SMARCA5: variants seen among roughly 807,000 people sequenced by gnomAD.
SMARCA5 encodes SNF2 related chromatin remodeling ATPase 5, also known as SWI/SNF-related matrix-associated actin-dependent regulator of chromatin subfamily A member 5.
Under a neutral mutation model 140.4 loss-of-function variants are expected in SMARCA5, and 18 were observed. The ratio of observed to expected loss-of-function variants is 0.13; its 90% CI spans 0.09 to 0.19. The LOEUF is 0.19. Among genes scored for constraint, SMARCA5 ranks in the 10% least tolerant of loss-of-function variants. The pLI, the probability that SMARCA5 is intolerant of heterozygous loss-of-function variation, is 1.00. For synonymous variants in SMARCA5, 449 were observed against 419.6 expected, an observed-to-expected ratio of 1.07 and a Z score of -0.86; for missense variants, 606 against 1,276.8, an observed-to-expected ratio of 0.47 and a Z score of 8.01.
chr4:143,526,497 A>G, intron 6 of SMARCA5, 37 bp downstream of exon 6: 4 of 1,430,422 alleles, frequency 2.8e-6, no homozygotes, highest in Non-Finnish European at 3.9e-6. Context: ...TTTGAGGCTA[A>G]AATAATTTGA....
Position 143,517,437 on chromosome 4 carries a change from C to T in SMARCA5, c.252+8C>T, listed in dbSNP as rs368603372. 1 of 1,586,548 alleles carries T rather than the reference C, an allele frequency of 6.3e-7. No homozygotes were observed. Among genetic ancestry groups the T allele is most frequent in the Non-Finnish European group, 8.6e-7 (1 of 1,163,636 alleles). ...ACCTATGAAGAAAAAATGGTATGTT[C>T]TAGGCTTGTGAATAGAGTCTATAAG... On this transcript the variant is annotated splice_region_variant and intron_variant, in intron 2 of 23. Coordinates refer to ENST00000283131, the MANE Select transcript of SMARCA5 (RefSeq NM_003601.4).
chr4:143,542,496 T>TA (rs1737448070), intron 14 of SMARCA5, among the ~76,000 whole-genome samples: 1 of 152,176 alleles, frequency 6.6e-6, no homozygotes, highest in Non-Finnish European at 1.5e-5. Flanking sequence ...CAAGGAAACA[T>TA]ACCTTGTGGA....
intron 2 of SMARCA5, among the ~76,000 whole-genome samples, chr4:143,520,876 A>G (rs1443925285): frequency 1.3e-5 from 2 of 152,140 alleles, no homozygotes; most frequent in African/African-American, 2.4e-5. Flanking sequence ...GGCAGATACG[A>G]AAGGAAGGAA....
Position 143,547,500 on chromosome 4 carries a change from A to G in SMARCA5, c.2769A>G (p.Thr923=), listed in dbSNP as rs1027404087. 1.3e-6 allele frequency: 2 copies of G among 1,534,880 alleles called. No homozygotes were observed. Among genetic ancestry groups the G allele is most frequent in the Admixed American group, 1.7e-5 (1 of 59,614 alleles). ...TAAGCATCAAGAAAGCACTTGACAC[A>G]AAGGTAATTTGCTTGTTAATAAGTT... ...RRISIKKALD[T]KIGRYKAPFH... The change falls in exon 21 of 24, where the codon ACA becomes ACG. Residue 923 remains threonine, a synonymous_variant. Coordinates refer to ENST00000283131, the MANE Select transcript of SMARCA5 (RefSeq NM_003601.4).
At chr4:143,547,870 T>A in intron 21 of SMARCA5, 58 bp from the exon 22 acceptor site, 1 of 1,062,304 alleles carries the variant, frequency 9.4e-7, no homozygotes, top group African/African-American at 1.6e-5. Context: ...AAGCTGAGTT[T>A]GAAATACAGA....
intron 1 of SMARCA5, chr4:143,514,691 G>T (rs1736788457): frequency 6.6e-6 from 1 of 152,528 alleles, no homozygotes; most frequent in Admixed American, 6.5e-5. Flanking sequence ...TGTGAAGGGA[G>T]AGAAGGCCCC....
chr4:143,524,866 A>G (rs370055831), intron 4 of SMARCA5, among the ~76,000 whole-genome samples: 23 of 152,148 alleles, frequency 1.5e-4, no homozygotes, highest in Non-Finnish European at 2.5e-4. Context: ...TTTATCCTCA[A>G]GTGTTTTTCA....
rs1327464815 is a variant in SMARCA5, at chr4:143,536,092, C to CA, written c.1269-353dup. 2.0e-5 allele frequency among the ~76,000 whole-genome samples: 3 copies of CA among 152,070 alleles called. No individual in the cohort carries two copies. The East Asian group carries it at 5.8e-4, about 29-fold the overall frequency. Reference sequence around the variant, plus strand: ...AATCGAATAGTGGCACTTTCTGTTGCAAAAAAACTGCAAACTAAAATTATG... The same window carrying CA: ...AATCGAATAGTGGCACTTTCTGTTGCAAAAAAAACTGCAAACTAAAATTATG... On this transcript the variant is annotated intron_variant, in intron 10 of 23. Transcript: ENST00000283131.
At position 143,539,467 on chromosome 4, in the gene SMARCA5, C is replaced by A. The variant is rs746551884; in HGVS notation, c.1770+529C>A. 4.0e-5 allele frequency among the ~76,000 whole-genome samples: 6 copies of A among 151,852 alleles called. No homozygotes were observed. In the East Asian group the frequency reaches 1.2e-3, roughly 29 times the overall value. ...TATTTTTAGATTGAGAGAATTGATA[C>A]TGCAGATTGGCCTGACCCATGATAT... On this transcript the variant is annotated intron_variant, in intron 13 of 23. Coordinates refer to ENST00000283131, the MANE Select transcript of SMARCA5 (RefSeq NM_003601.4).
chr4:143,519,196 A>C (rs2149816343), intron 2 of SMARCA5, among the ~76,000 whole-genome samples: 1 of 152,242 alleles, frequency 6.6e-6, no homozygotes, highest in South Asian at 2.1e-4. Context: ...TTACTTGAGA[A>C]TATCCAAAAC....
intron 2 of SMARCA5, among the ~76,000 whole-genome samples, chr4:143,520,688 TCTTG>T (rs1736939313): frequency 6.6e-6 from 1 of 152,202 alleles, no homozygotes; most frequent in African/African-American, 2.4e-5. Context: ...GCTTTTCTTG[TCTTG>T]CTTCTCCTTT....
intron 5 of SMARCA5, among the ~76,000 whole-genome samples, 158 bp from the exon 6 acceptor site, chr4:143,526,121 CAT>C (rs1300528519): frequency 1.2e-4 from 18 of 152,134 alleles, no homozygotes; most frequent in African/African-American, 3.9e-4. Flanking sequence ...AATTATATGA[CAT>C]AACACTTACA....
intron 23 of SMARCA5, among the ~76,000 whole-genome samples, chr4:143,550,658 G>C (rs531946938): frequency 6.6e-6 from 1 of 151,638 alleles, no homozygotes; most frequent in African/African-American, 2.4e-5. Flanking sequence ...GTAGTTTTTA[G>C]CTCCCACAAA....
chr4:143,545,941 A>T lies in SMARCA5; in HGVS notation c.2414A>T (p.Glu805Val). 1 of 1,602,868 alleles carries T rather than the reference A, an allele frequency of 6.2e-7. No individual in the cohort carries two copies. ...TIGYKVPRNP[E>V]LPNAAQAQKE... ...ATCTTTTAGGTACCTCGAAATCCTG[A>T]GCTGCCTAATGCAGCACAGGCACAA... Residue 805 changes from glutamate (E) to valine (V), a missense_variant, in exon 19 of 24, where the codon GAG becomes GTG. Around this residue, in one of 10 missense-constraint regions of SMARCA5, gnomAD observed 121 missense variants for 227.1 expected, o/e 0.53. Coordinates refer to ENST00000283131, the MANE Select transcript of SMARCA5 (RefSeq NM_003601.4).
chr4:143,536,918 C>T (rs1185849832), intron 11 of SMARCA5, among the ~76,000 whole-genome samples: 2 of 152,148 alleles, frequency 1.3e-5, no homozygotes, highest in Non-Finnish European at 2.9e-5. Context: ...AGAGTTCATA[C>T]TTTATATATA....
intron 9 of SMARCA5, among the ~76,000 whole-genome samples, 183 bp downstream of exon 9, chr4:143,530,709 G>A (rs1191904675): frequency 6.6e-6 from 1 of 152,126 alleles, no homozygotes; most frequent in Non-Finnish European, 1.5e-5. Context: ...GGTTGTTTCA[G>A]TGTTAGAACC....
At chr4:143,551,281 T>C (rs1037959293) in intron 23 of SMARCA5, among the ~76,000 whole-genome samples, 1 of 152,116 alleles carries the variant, frequency 6.6e-6, no homozygotes, top group Admixed American at 6.5e-5. Flanking sequence ...AGTAGAGTTG[T>C]TTGAGCTCTT....
In SMARCA5 at chr4:143,553,307, T is replaced by C. The variant is rs1737682374; in HGVS notation, c.*123T>C. 1.2e-5 allele frequency: 8 copies of C among 690,874 alleles called. No homozygotes were observed. Among genetic ancestry groups the C allele is most frequent in the Non-Finnish European group, 2.0e-5 (8 of 392,892 alleles). The allele number at this position is 690,874 out of a possible 1,614,324, so 42.8% of individuals were successfully genotyped here. On this transcript the variant is annotated 3_prime_UTR_variant, in exon 24 of 24. Transcript: ENST00000283131. ...TTTAAAGACATCAGGTTCATCTGTT[T>C]ACTGAGCTAGAAACATAGTATGTAG... is the stretch of plus-strand genomic sequence containing the variant.
chr4:143,515,956 T>A (rs1736820612), intron 1 of SMARCA5, among the ~76,000 whole-genome samples: 1 of 147,630 alleles, frequency 6.8e-6, no homozygotes, highest in African/African-American at 2.5e-5. Context: ...CACTGACACA[T>A]TTTTTTTTTG....
Sources: gnomAD v4.1 joint callset for allele counts (sites outside exome capture counted in the v4.1 genomes callset) on GRCh38, gnomAD v4.1.1 for gene constraint, gnomAD v4.1.1 regional missense constraint, MANE v1.5 for transcripts, NCBI Gene and HGNC (gene_info 2026-07-23, HGNC 2026-07-21) for gene names.